The following SPOCK1 variants were observed in gnomAD, a reference collection of about 807,000 sequenced individuals.
The protein encoded by SPOCK1 is testican-1.
A neutral mutation model predicts 55.3 loss-of-function variants in SPOCK1; 23 were observed. That is an observed-to-expected ratio of 0.42 (90% CI 0.30 to 0.59). SPOCK1 has a LOEUF of 0.59. Ranked by LOEUF, SPOCK1 falls within the 20% of genes least tolerant of loss-of-function variation. The pLI, the probability that SPOCK1 is intolerant of heterozygous loss-of-function variation, is 0.22. For synonymous variants in SPOCK1, 226 were observed against 221.0 expected (o/e 1.02, Z -0.20); for missense variants, 499 against 552.5 (o/e 0.90, Z 0.97).
chr5:137,194,298 G>T (rs1010270426), intron 3 of SPOCK1, among the ~76,000 whole-genome samples: 7 of 152,300 alleles, frequency 4.6e-5, no homozygotes, highest in African/African-American at 1.7e-4. Flanking sequence ...TAGCATGGTG[G>T]TCTTGATCAC....
At chr5:137,057,695 T>C (rs1409357454) in intron 6 of SPOCK1, among the ~76,000 whole-genome samples, 1 of 152,230 alleles carries the variant, frequency 6.6e-6, no homozygotes, top group Non-Finnish European at 1.5e-5. Context: ...ACCACTTGGA[T>C]CTAGGAAAGA....
At chr5:137,457,948 TAAAGA>T (rs561764822) in intron 2 of SPOCK1, among the ~76,000 whole-genome samples, 1 of 151,986 alleles carries the variant, frequency 6.6e-6, no homozygotes, top group Non-Finnish European at 1.5e-5. Flanking sequence ...TTATTAAAAA[TAAAGA>T]AAACAGTGGC....
intron 2 of SPOCK1, among the ~76,000 whole-genome samples, chr5:137,276,040 C>G (rs1444413490): frequency 6.6e-6 from 1 of 152,200 alleles, no homozygotes; most frequent in Non-Finnish European, 1.5e-5. Flanking sequence ...ATGTTCTGGT[C>G]ACATCACCCT....
intron 6 of SPOCK1, among the ~76,000 whole-genome samples, chr5:137,031,072 G>C (rs1751770109): frequency 6.6e-6 from 1 of 152,016 alleles, no homozygotes; most frequent in Non-Finnish European, 1.5e-5. Context: ...TACATATTTT[G>C]TAATTTTTTT....
intron 7 of SPOCK1, chr5:136,988,903 T>C: frequency 2.8e-6 from 1 of 358,884 alleles, no homozygotes; most frequent in East Asian, 4.4e-5. Flanking sequence ...TTAACATATC[T>C]GTGATATAAA....
At chr5:137,093,512 C>T (rs1258740734) in intron 5 of SPOCK1, among the ~76,000 whole-genome samples, 1 of 152,166 alleles carries the variant, frequency 6.6e-6, no homozygotes, top group Non-Finnish European at 1.5e-5. Flanking sequence ...CTTTATGGAG[C>T]ATACAGTCTT....
intron 2 of SPOCK1, among the ~76,000 whole-genome samples, chr5:137,452,711 A>T (rs1361909832): frequency 6.6e-6 from 1 of 152,210 alleles, no homozygotes; most frequent in Non-Finnish European, 1.5e-5. Context: ...TATTACTTGC[A>T]TTTCAAATGC....
At chr5:137,490,182 C>T (rs1754144582) in intron 2 of SPOCK1, among the ~76,000 whole-genome samples, 4 of 152,210 alleles carry the variant, frequency 2.6e-5, no homozygotes, top group Admixed American at 2.6e-4. Context: ...CTGGGTTTCT[C>T]CTAAGCCACA....
chr5:137,139,382 G>A (rs1754048748), intron 4 of SPOCK1, among the ~76,000 whole-genome samples: 1 of 152,126 alleles, frequency 6.6e-6, no homozygotes, highest in Non-Finnish European at 1.5e-5. Flanking sequence ...CAGAGGGCAG[G>A]AGCTCCCTAG....
chr5:137,341,397 T>C (rs1195044013), intron 2 of SPOCK1, among the ~76,000 whole-genome samples: 1 of 152,234 alleles, frequency 6.6e-6, no homozygotes, highest in African/African-American at 2.4e-5. Flanking sequence ...TGTCTCACTG[T>C]ACAAAGAGAA....
intron 2 of SPOCK1, among the ~76,000 whole-genome samples, chr5:137,385,947 G>A (rs979244943): frequency 4.6e-5 from 7 of 152,276 alleles, no homozygotes; most frequent in Middle Eastern, 3.4e-3. Flanking sequence ...TGCCACAGAC[G>A]ACATGTAAAC....
chr5:137,313,549 C>T (rs774912810), intron 2 of SPOCK1: 2 of 927,726 alleles, frequency 2.2e-6, no homozygotes, highest in Non-Finnish European at 1.3e-6. Flanking sequence ...AGGCTCCAGC[C>T]TGCCTCCTAC....
At chr5:137,180,914 C>A (rs1316307309) in intron 3 of SPOCK1, among the ~76,000 whole-genome samples, 2 of 152,128 alleles carry the variant, frequency 1.3e-5, no homozygotes, top group East Asian at 3.9e-4. Flanking sequence ...GATGGCTTGG[C>A]CAGCTTTGTC....
At chr5:137,159,015 G>A (rs1220974157) in intron 3 of SPOCK1, among the ~76,000 whole-genome samples, 2 of 152,078 alleles carry the variant, frequency 1.3e-5, no homozygotes, top group Admixed American at 6.6e-5. Flanking sequence ...AAATGATCAC[G>A]TATACCTGAC....
At chr5:137,214,670 A>G (rs369306363) in intron 3 of SPOCK1, among the ~76,000 whole-genome samples, 10 of 152,190 alleles carry the variant, frequency 6.6e-5, no homozygotes, top group African/African-American at 1.9e-4. Flanking sequence ...TACCTCACAT[A>G]CCAAGTGCTA....
intron 2 of SPOCK1, among the ~76,000 whole-genome samples, chr5:137,327,165 T>C (rs955815598): frequency 3.3e-5 from 5 of 152,170 alleles, no homozygotes; most frequent in Non-Finnish European, 5.9e-5. Context: ...ACCACTTACC[T>C]ATTGTCAAAT....
At chr5:137,202,685 A>T (rs926175339) in intron 3 of SPOCK1, among the ~76,000 whole-genome samples, 1 of 152,210 alleles carries the variant, frequency 6.6e-6, no homozygotes, top group Non-Finnish European at 1.5e-5. Context: ...CAGCTCCTTC[A>T]CTTGAGGAAC....
Position 137,228,438 on chromosome 5 carries a change from C to T in SPOCK1, c.232+38572G>A, listed in dbSNP as rs183030838. Among the ~76,000 whole-genome samples, 322 of 152,248 alleles carry T rather than the reference C, an allele frequency of 2.1e-3. 2 individuals are homozygous for T. Among genetic ancestry groups the T allele is most frequent in the Middle Eastern group, 3.4e-3 (1 of 294 alleles). Reference sequence around the variant, plus strand: ...GGTGGATCACTTGAGGCCAGGAATTCGAGACCAGCCTGGCCAACATGGTGA... The same window carrying T: ...GGTGGATCACTTGAGGCCAGGAATTTGAGACCAGCCTGGCCAACATGGTGA... On this transcript the variant is annotated intron_variant, in intron 3 of 10. Coordinates refer to ENST00000394945, the MANE Select transcript of SPOCK1 (RefSeq NM_004598.4).
intron 6 of SPOCK1, among the ~76,000 whole-genome samples, chr5:137,039,596 C>T: frequency 6.6e-6 from 1 of 152,226 alleles, no homozygotes; most frequent in East Asian, 1.9e-4. Flanking sequence ...ATCATCCATG[C>T]AACAGGTCCC....
Sources: allele counts gnomAD v4.1 joint callset (sites outside exome capture counted in the v4.1 genomes callset), GRCh38; gene constraint gnomAD v4.1.1; transcripts MANE v1.5; gene names NCBI Gene and HGNC (gene_info 2026-07-23, HGNC 2026-07-21).